The following SMIM36 variants were observed in gnomAD, a reference collection of about 807,000 sequenced individuals.
SMIM36 encodes small integral membrane protein 36.
chr17:55,480,772 C>A (rs1360991937), intron 1 of SMIM36, among the ~76,000 whole-genome samples: 1 of 152,208 alleles, frequency 6.6e-6, no homozygotes, highest in Non-Finnish European at 1.5e-5. Context: ...GCTGCTGTCT[C>A]TCAGAGACAA....
Position 55,450,635 on chromosome 17 carries a change from G to A in SMIM36, c.*532-337C>T, listed in dbSNP as rs1236658357. ...GAGTGTGAGCCCAGACGTGGAACCC[G>A]GGTGCAATACCCAGATAGTACTCCT... is the stretch of plus-strand genomic sequence containing the variant. On this transcript the variant is annotated intron_variant, in intron 4 of 4. Coordinates refer to ENST00000636752, the Ensembl canonical transcript of SMIM36. 3.3e-5 allele frequency among the ~76,000 whole-genome samples: 5 copies of A among 152,130 alleles called. 1 individual carries two copies. Among genetic ancestry groups the A allele is most frequent in the Non-Finnish European group, 7.4e-5 (5 of 68,018 alleles).
At chr17:55,457,446 C>CGTCTCAAA (rs1232396671) in intron 4 of SMIM36, among the ~76,000 whole-genome samples, 2 of 124,524 alleles carry the variant, frequency 1.6e-5, no homozygotes, top group East Asian at 2.4e-4. Context: ...AGTGAAACTC[C>CGTCTCAAA]GTCTCAAAAA....
chr17:55,500,910 A>G lies in SMIM36; in HGVS notation c.*174+9969T>C, dbSNP rs868056604. Among the ~76,000 whole-genome samples the G allele has an allele frequency of 0.042, 543 of 12,950 alleles. 245 individuals are homozygous for G. In the African/African-American group the frequency reaches 0.52, roughly 13 times the overall value. 8.5% of individuals were successfully genotyped at this position (12,950 alleles called of 152,430 possible). ...ATATATTATAATATATTATATTATA[A>G]TATATTATAATATATTATATTTTAT... On this transcript the variant is annotated intron_variant, in intron 1 of 4. Transcript: ENST00000636752.
upstream of SMIM36, among the ~76,000 whole-genome samples, chr17:55,512,452 T>C (rs1910197349): frequency 6.6e-6 from 1 of 152,194 alleles, no homozygotes; most frequent in African/African-American, 2.4e-5. Flanking sequence ...TGAATTTGCA[T>C]TTTAAAGAGA....
chr17:55,472,326 T>C (rs1183980347), intron 3 of SMIM36, among the ~76,000 whole-genome samples: 1 of 152,206 alleles, frequency 6.6e-6, no homozygotes, highest in Non-Finnish European at 1.5e-5. Flanking sequence ...CCAAACTGAT[T>C]GCTTTAACTC....
intron 1 of SMIM36, among the ~76,000 whole-genome samples, chr17:55,504,104 A>G (rs1910041915): frequency 8.6e-6 from 1 of 115,758 alleles, no homozygotes; most frequent in Non-Finnish European, 1.7e-5. Flanking sequence ...AAAGAGACTT[A>G]GACTCCCACA....
the SMIM36 span, among the ~76,000 whole-genome samples, chr17:55,518,517 G>C: frequency 1.3e-5 from 2 of 152,184 alleles, no homozygotes; most frequent in Non-Finnish European, 2.9e-5. Flanking sequence ...TGTTAGTTTT[G>C]AGATTTTGCT....
intron 3 of SMIM36, among the ~76,000 whole-genome samples, chr17:55,467,889 T>C (rs1244505990): frequency 1.3e-5 from 2 of 152,134 alleles, no homozygotes; most frequent in Non-Finnish European, 2.9e-5. Flanking sequence ...TCCACTGTTG[T>C]GATTTGTTCC....
chr17:55,518,704 T>C, the SMIM36 span, among the ~76,000 whole-genome samples: 73,246 of 151,938 alleles, frequency 0.48, 17,920 homozygotes, highest in Middle Eastern at 0.51. Flanking sequence ...AACAAAGTTG[T>C]TTCGTTTTTG....
chr17:55,482,828 A>G (rs546280753), intron 1 of SMIM36, among the ~76,000 whole-genome samples: 2 of 152,238 alleles, frequency 1.3e-5, no homozygotes, highest in Non-Finnish European at 2.9e-5. Flanking sequence ...TAGAAGAATA[A>G]CAACTTTCCC....
chr17:55,531,304 C>G, the SMIM36 span, among the ~76,000 whole-genome samples: 1 of 152,152 alleles, frequency 6.6e-6, no homozygotes, highest in Non-Finnish European at 1.5e-5. Flanking sequence ...CTTGGTGAAC[C>G]CTCATGGATT....
chr17:55,527,610 A>C, the SMIM36 span: 15 of 152,246 alleles, frequency 9.9e-5, no homozygotes, highest in African/African-American at 3.4e-4. Context: ...GGCAATTTGA[A>C]GTATCTTTTT....
chr17:55,515,084 G>GTTTTTTTTTTTTTTT (rs1567874075), upstream of SMIM36, among the ~76,000 whole-genome samples: 6 of 56,104 alleles, frequency 1.1e-4, 3 homozygotes, highest in African/African-American at 6.6e-5. Flanking sequence ...TTCTAGTCTA[G>GTTTTTTTTTTTTTTT]TGTTTTTTTT....
At chr17:55,469,732 C>T (rs958940522) in intron 3 of SMIM36, among the ~76,000 whole-genome samples, 2 of 152,216 alleles carry the variant, frequency 1.3e-5, no homozygotes, top group African/African-American at 4.8e-5. Flanking sequence ...GTAATCCCAG[C>T]ACTTTGGGAG....
chr17:55,455,285 C>T (rs1294391030), intron 4 of SMIM36, among the ~76,000 whole-genome samples: 1 of 152,218 alleles, frequency 6.6e-6, no homozygotes, highest in Non-Finnish European at 1.5e-5. Flanking sequence ...CATCTGGTCT[C>T]CGATGCCTTT....
At chr17:55,499,545 T>A (rs1909872049) in intron 1 of SMIM36, among the ~76,000 whole-genome samples, 1 of 152,186 alleles carries the variant, frequency 6.6e-6, no homozygotes, top group African/African-American at 2.4e-5. Context: ...ATCTGGCACG[T>A]AGCGAATTCC....
At position 55,495,041 on chromosome 17, in the gene SMIM36, G is replaced by C. The variant is rs16955996; in HGVS notation, c.*175-15461C>G. Among the ~76,000 whole-genome samples the C allele has an allele frequency of 9.1e-3, 1,382 of 152,330 alleles. 21 individuals carry two copies. Among genetic ancestry groups the C allele is most frequent in the African/African-American group, 0.031 (1,292 of 41,564 alleles). ...CCACTTGCTAAGCTTTCCAAAGACA[G>C]AACTCATGTCTGTTGTGTGCATTGA... On this transcript the variant is annotated intron_variant, in intron 1 of 4. Transcript: ENST00000636752.
At chr17:55,505,882 A>G (rs1910072277) in intron 1 of SMIM36, among the ~76,000 whole-genome samples, 1 of 109,918 alleles carries the variant, frequency 9.1e-6, no homozygotes, top group Non-Finnish European at 1.7e-5. Flanking sequence ...GCAAAGTCTC[A>G]GGATACAAAA....
At chr17:55,481,382 A>G (rs1209758914) in intron 1 of SMIM36, among the ~76,000 whole-genome samples, 1 of 152,200 alleles carries the variant, frequency 6.6e-6, no homozygotes, top group South Asian at 2.1e-4. Context: ...CCCAATAACC[A>G]GGCAGAAGAA....
Sources: gnomAD v4.1 joint callset for allele counts (sites outside exome capture counted in the v4.1 genomes callset) on GRCh38, gnomAD v4.1.1 for gene constraint, MANE v1.5 for transcripts, NCBI Gene and HGNC (gene_info 2026-07-23, HGNC 2026-07-21) for gene names.